Variants in SCIMP observed in about 807,000 individuals in gnomAD.
The protein encoded by SCIMP is SLP adaptor and CSK interacting membrane protein.
Under a neutral mutation model 22.0 loss-of-function variants are expected in SCIMP, and 18 were observed. That is an observed-to-expected ratio of 0.82 (90% CI 0.56 to 1.21). The LOEUF (loss-of-function observed/expected upper bound fraction) is 1.21, where lower values mean the gene tolerates loss of function less well. SCIMP is among the 50% of genes most tolerant of loss of function. The pLI is 0.00. For synonymous variants in SCIMP, 53 were observed against 62.2 expected (o/e 0.85, Z 0.70); for missense variants, 155 against 171.2 (o/e 0.91, Z 0.53).
At chr17:5,224,502 G>C (rs1045466511) in intron 1 of SCIMP, among the ~76,000 whole-genome samples, 1 of 144,832 alleles carries the variant, frequency 6.9e-6, no homozygotes, top group Non-Finnish European at 1.5e-5. Flanking sequence ...TTGCTCTGTC[G>C]CCCAGGCTGG....
chr17:5,232,364 G>GTAAGCAGTGCAGTA (rs2074705367), intron 1 of SCIMP, among the ~76,000 whole-genome samples: 1 of 7,154 alleles, frequency 1.4e-4, no homozygotes, highest in East Asian at 9.1e-4. Flanking sequence ...ACAGTGCAGT[G>GTAAGCAGTGCAGTA]TAAACAGTGC....
In SCIMP at chr17:5,234,839, T is replaced by C. The variant is rs2074731995; in HGVS notation, c.-84A>G. 3.8e-6 allele frequency: 6 copies of C among 1,560,800 alleles called. No homozygotes were observed. The South Asian group carries it at 7.1e-5, about 18-fold the overall frequency. ...GAGAGGCATTCCTCACTCACAGGCC[T>C]TCACCCACTGCTAGAGACAGTGAGC... On this transcript the variant is annotated 5_prime_UTR_variant, in exon 1 of 5. Coordinates refer to ENST00000574081, the MANE Select transcript of SCIMP (RefSeq NM_207103.3).
intron 3 of SCIMP, among the ~76,000 whole-genome samples, chr17:5,220,282 C>G (rs567586039): frequency 6.6e-6 from 1 of 152,146 alleles, no homozygotes; most frequent in South Asian, 2.1e-4. Flanking sequence ...TGACCTTTGT[C>G]AGAATAGATG....
intron 3 of SCIMP, among the ~76,000 whole-genome samples, chr17:5,220,136 G>A (rs1336091093): frequency 6.6e-6 from 1 of 152,142 alleles, no homozygotes; most frequent in Non-Finnish European, 1.5e-5. Flanking sequence ...GCCCCAAATA[G>A]ATCACAAAAC....
intron 3 of SCIMP, chr17:5,220,949 T>C (rs1205559480): frequency 2.6e-6 from 1 of 377,836 alleles, no homozygotes; most frequent in Non-Finnish European, 5.1e-6. Flanking sequence ...TCCCAGCTAC[T>C]TGGGAGGCTG....
chr17:5,232,963 C>T (rs532608068), intron 1 of SCIMP, among the ~76,000 whole-genome samples: 6 of 152,186 alleles, frequency 3.9e-5, no homozygotes, highest in African/African-American at 1.2e-4. Context: ...CCACCTGCCT[C>T]GGCCTCCCAA....
At chr17:5,230,476 G>A (rs954128415) in intron 1 of SCIMP, among the ~76,000 whole-genome samples, 1 of 152,192 alleles carries the variant, frequency 6.6e-6, no homozygotes, top group Admixed American at 6.6e-5. Context: ...GGAGTTCTGG[G>A]AGGGAAGGTG....
chr17:5,209,829 T>G lies in SCIMP; in HGVS notation c.*972A>C, dbSNP rs949187186. 1.3e-5 allele frequency: 2 copies of G among 152,138 alleles called. No individual in the cohort carries two copies. Among genetic ancestry groups the G allele is most frequent in the African/African-American group, 4.8e-5 (2 of 41,418 alleles). The allele number at this position is 152,138 out of a possible 1,614,324, so 9.4% of individuals were successfully genotyped here. On this transcript the variant is annotated 3_prime_UTR_variant, in exon 5 of 5. Coordinates refer to ENST00000574081, the MANE Select transcript of SCIMP (RefSeq NM_207103.3). ...AGCACATCACAGTGGACCTTCTGCC[T>G]CCTCCCAGATGCCCAGGGACAGTGA...
At chr17:5,213,595 CCAGCA>C (rs1167474496) in intron 4 of SCIMP, 1 of 152,274 alleles carries the variant, frequency 6.6e-6, no homozygotes, top group East Asian at 1.9e-4. Context: ...GCCTGTAATC[CCAGCA>C]CCTTGGGAGG....
intron 1 of SCIMP, among the ~76,000 whole-genome samples, chr17:5,227,618 A>G (rs369965578): frequency 1.3e-5 from 2 of 152,126 alleles, no homozygotes; most frequent in East Asian, 1.9e-4. Flanking sequence ...CTCACACCTA[A>G]GTTTCCATTT....
intron 4 of SCIMP, among the ~76,000 whole-genome samples, chr17:5,211,201 G>A (rs780238338): frequency 7.2e-5 from 11 of 152,168 alleles, no homozygotes; most frequent in Admixed American, 1.3e-4. Context: ...TGCACTGCAT[G>A]GAAACCATGA....
intron 1 of SCIMP, among the ~76,000 whole-genome samples, chr17:5,225,295 TC>T (rs1270877357): frequency 6.6e-6 from 1 of 151,984 alleles, no homozygotes; most frequent in Non-Finnish European, 1.5e-5. Flanking sequence ...CGAAACCCTG[TC>T]TCTACTAAAA....
intron 4 of SCIMP, among the ~76,000 whole-genome samples, chr17:5,212,083 A>G (rs2641262): frequency 0.02 from 3,060 of 152,158 alleles, 50 homozygotes; most frequent in Non-Finnish European, 0.031. Flanking sequence ...AAGAAACAAA[A>G]AACAAACAAA....
In SCIMP at chr17:5,223,771, A is replaced by G. The variant is rs112039805; in HGVS notation, c.22-315T>C. 7.4e-3 allele frequency: 2,585 copies of G among 349,906 alleles called. 58 individuals carry two copies. The highest frequency in any genetic ancestry group is 0.05 in the African/African-American group (2,351 of 46,622). The allele number at this position is 349,906 out of a possible 1,614,324, so 21.7% of individuals were successfully genotyped here. On this transcript the variant is annotated intron_variant, in intron 1 of 4. Transcript: ENST00000574081. ...CGCCACGTTGGCCAGGCTGGTCTGG[A>G]ACTCCTGACCTCAGGTGATTCACCT...
rs1370620993 is a variant in SCIMP, at chr17:5,210,636, G to A, written c.*165C>T. ...TGGCTGCAGTCATCCGATCGCAGGG[G>A]TGTCTTCATCTAAGGTTTGGGAAGT... On this transcript the variant is annotated 3_prime_UTR_variant, in exon 5 of 5. Transcript: ENST00000574081. 3.6e-6 allele frequency: 3 copies of A among 834,772 alleles called. No individual in the cohort carries two copies. The highest frequency in any genetic ancestry group is 2.8e-5 in the East Asian group (1 of 35,150). 51.7% of individuals were successfully genotyped at this position (834,772 alleles called of 1,614,324 possible).
rs865993518 is a variant in SCIMP at position 5,226,178 on chromosome 17, G to C, written c.22-2722C>G. 4.6e-5 allele frequency among the ~76,000 whole-genome samples: 7 copies of C among 152,268 alleles called. No homozygotes were observed. In the East Asian group the frequency reaches 1.3e-3, roughly 29 times the overall value. ...CTGGATTGTGACTGCGTGGAAGGTCGAGGCGGGAAGACAGGGGCTGTTGCT... is the reference window on the plus strand; with the variant it reads ...CTGGATTGTGACTGCGTGGAAGGTCCAGGCGGGAAGACAGGGGCTGTTGCT... On this transcript the variant is annotated intron_variant, in intron 1 of 4. Transcript: ENST00000574081.
At chr17:5,231,412 G>A (rs1232993591) in intron 1 of SCIMP, among the ~76,000 whole-genome samples, 2 of 151,812 alleles carry the variant, frequency 1.3e-5, no homozygotes, top group Admixed American at 6.6e-5. Context: ...CTTGGGGTCA[G>A]CTCTTATCCA....
intron 4 of SCIMP, chr17:5,213,135 T>C (rs2074538770): frequency 1.0e-6 from 1 of 982,508 alleles, no homozygotes; most frequent in African/African-American, 1.8e-5. Flanking sequence ...GTGAAAGGCC[T>C]AGTGACACCC....
At chr17:5,222,429 G>A (rs1199315782) in intron 2 of SCIMP, among the ~76,000 whole-genome samples, 1 of 152,004 alleles carries the variant, frequency 6.6e-6, no homozygotes, top group Non-Finnish European at 1.5e-5. Context: ...AAGATAACAC[G>A]CCATTGAATT....
Sources: gnomAD v4.1 joint callset for allele counts (sites outside exome capture counted in the v4.1 genomes callset) on GRCh38, gnomAD v4.1.1 for gene constraint, MANE v1.5 for transcripts, NCBI Gene and HGNC (gene_info 2026-07-23, HGNC 2026-07-21) for gene names.